The following TTBK2 variants were observed in gnomAD, a reference collection of about 807,000 sequenced individuals.
TTBK2 encodes the protein tau tubulin kinase 2.
A neutral mutation model predicts 110.8 loss-of-function variants in TTBK2; 28 were observed. That is an observed-to-expected ratio of 0.25 (90% CI 0.19 to 0.35). TTBK2 has a LOEUF of 0.35. Among genes scored for constraint, TTBK2 ranks in the 10% least tolerant of loss-of-function variants. The probability of loss-of-function intolerance (pLI) is 1.00; values close to 1 mark genes in which losing one functional copy is unlikely to be tolerated. For missense variants in TTBK2, 1,369 were observed against 1,500.3 expected (o/e 0.91, Z 1.45); for synonymous variants, 532 against 527.3 (o/e 1.01, Z -0.12).
At chr15:42,812,752 A>T (rs1891776983) in intron 7 of TTBK2, among the ~76,000 whole-genome samples, 1 of 152,166 alleles carries the variant, frequency 6.6e-6, no homozygotes, top group African/African-American at 2.4e-5. Context: ...TCAGAAAAGA[A>T]CCATATTTAA....
At chr15:42,836,330 T>C (rs1892985012) in intron 4 of TTBK2, among the ~76,000 whole-genome samples, 1 of 152,098 alleles carries the variant, frequency 6.6e-6, no homozygotes, top group East Asian at 1.9e-4. Context: ...ATAATGAATT[T>C]ATGGTTTTTA....
intron 9 of TTBK2, chr15:42,801,982 A>T: frequency 6.5e-7 from 1 of 1,545,738 alleles, no homozygotes; most frequent in South Asian, 1.1e-5. Context: ...AAGGTTGTTG[A>T]TGTAGCTCTC....
chr15:42,846,744 A>T (rs182180066), intron 3 of TTBK2, among the ~76,000 whole-genome samples: 1 of 152,328 alleles, frequency 6.6e-6, no homozygotes, highest in East Asian at 1.9e-4. Flanking sequence ...GGACAGGGGC[A>T]GTCACCAGAA....
At position 42,853,937 on chromosome 15, in the gene TTBK2, T is replaced by A. The variant is rs146866692; in HGVS notation, c.218-13504A>T. ...AAATCAGATCTACAGAATATTTTTT[T>A]TTTATTTATTTACTTAGACACGGGG... On this transcript the variant is annotated intron_variant, in intron 3 of 14. Coordinates refer to ENST00000267890, the MANE Select transcript of TTBK2 (RefSeq NM_173500.4). Among the ~76,000 whole-genome samples, 212 of 152,204 alleles carry A rather than the reference T, an allele frequency of 1.4e-3. 1 individual carries two copies. Among genetic ancestry groups the A allele is most frequent in the African/African-American group, 4.8e-3 (199 of 41,556 alleles).
intron 1 of TTBK2, among the ~76,000 whole-genome samples, chr15:42,884,433 GT>G (rs772329955): frequency 6.6e-6 from 1 of 152,172 alleles, no homozygotes; most frequent in Non-Finnish European, 1.5e-5. Context: ...ATAATATTTG[GT>G]TTTTATACTC....
intron 13 of TTBK2, among the ~76,000 whole-genome samples, chr15:42,757,250 G>A (rs767768909): frequency 6.7e-6 from 1 of 150,294 alleles, no homozygotes; most frequent in Non-Finnish European, 1.5e-5. Flanking sequence ...GAGACTACAG[G>A]CATGTAGCAC....
At chr15:42,760,158 G>A (rs1052841495) in intron 13 of TTBK2, among the ~76,000 whole-genome samples, 2 of 152,076 alleles carry the variant, frequency 1.3e-5, no homozygotes, top group Non-Finnish European at 2.9e-5. Context: ...GGCCAAGGTG[G>A]GCAGATAACT....
At chr15:42,874,555 G>A (rs903479144) in intron 2 of TTBK2, among the ~76,000 whole-genome samples, 9 of 151,616 alleles carry the variant, frequency 5.9e-5, no homozygotes, top group Non-Finnish European at 8.8e-5. Context: ...GATCACAGGT[G>A]ATCCACCCAC....
At chr15:42,872,475 G>A (rs1894653093) in intron 3 of TTBK2, 136 bp downstream of exon 3, 1 of 974,500 alleles carries the variant, frequency 1.0e-6, no homozygotes, top group East Asian at 2.6e-5. Flanking sequence ...AGAGAAAAAT[G>A]CTCAGCGTAT....
chr15:42,797,974 C>T (rs985147120), intron 9 of TTBK2, among the ~76,000 whole-genome samples: 13 of 152,168 alleles, frequency 8.5e-5, no homozygotes, highest in African/African-American at 3.1e-4. Context: ...ACCTTCGCCT[C>T]CCGGGTTCAA....
At chr15:42,780,630 T>C (rs1301101826) in intron 11 of TTBK2, among the ~76,000 whole-genome samples, 1 of 151,986 alleles carries the variant, frequency 6.6e-6, no homozygotes, top group East Asian at 1.9e-4. Context: ...GAAAAAGGCA[T>C]TAAAAAACTG....
At chr15:42,881,041 G>A (rs1226972669) in intron 1 of TTBK2, among the ~76,000 whole-genome samples, 3 of 151,940 alleles carry the variant, frequency 2.0e-5, no homozygotes, top group African/African-American at 4.8e-5. Context: ...CAGCACTTTG[G>A]GAGGCCAAGA....
At chr15:42,864,059 C>A (rs529313319) in intron 3 of TTBK2, among the ~76,000 whole-genome samples, 1 of 152,112 alleles carries the variant, frequency 6.6e-6, no homozygotes, top group Non-Finnish European at 1.5e-5. Context: ...AGTAACGCAA[C>A]GATAACAAAA....
intron 3 of TTBK2, among the ~76,000 whole-genome samples, chr15:42,857,735 AT>A (rs908805674): frequency 2.1e-4 from 31 of 147,300 alleles, no homozygotes; most frequent in African/African-American, 3.5e-4. Context: ...CTTTCATACA[AT>A]TTTTTTTTTT....
chr15:42,885,709 G>A (rs972978087), intron 1 of TTBK2, among the ~76,000 whole-genome samples: 7 of 151,936 alleles, frequency 4.6e-5, no homozygotes, highest in African/African-American at 1.7e-4. Flanking sequence ...TTCCTGGGGG[G>A]CAAGCACTCC....
intron 8 of TTBK2, 109 bp downstream of exon 8, chr15:42,811,579 G>A: frequency 2.5e-6 from 2 of 807,968 alleles, no homozygotes; most frequent in Non-Finnish European, 4.1e-6. Flanking sequence ...TAGTGAAAAT[G>A]CTTGTAGATT....
At chr15:42,914,941 C>T (rs909935055) in intron 1 of TTBK2, among the ~76,000 whole-genome samples, 1 of 152,146 alleles carries the variant, frequency 6.6e-6, no homozygotes, top group South Asian at 2.1e-4. Context: ...TCTCTGCTTC[C>T]ACTATTTGTA....
chr15:42,769,549 C>T (rs1327535610), intron 13 of TTBK2, among the ~76,000 whole-genome samples: 1 of 152,144 alleles, frequency 6.6e-6, no homozygotes, highest in Non-Finnish European at 1.5e-5. Context: ...CAAATCAAAA[C>T]CACAGTGAGA....
chr15:42,909,824 ATAT>A (rs1288597821), intron 1 of TTBK2, among the ~76,000 whole-genome samples: 3 of 152,180 alleles, frequency 2.0e-5, no homozygotes, highest in African/African-American at 7.2e-5. Context: ...AAAAGCAAAA[ATAT>A]TATTATCACA....
Sources: gnomAD v4.1 joint callset for allele counts (sites outside exome capture counted in the v4.1 genomes callset) on GRCh38, gnomAD v4.1.1 for gene constraint, MANE v1.5 for transcripts, NCBI Gene and HGNC (gene_info 2026-07-23, HGNC 2026-07-21) for gene names.